The following THSD7B variants were observed in gnomAD, a reference collection of about 807,000 sequenced individuals.
The protein encoded by THSD7B is thrombospondin type-1 domain-containing protein 7B.
Under a neutral mutation model 213.6 loss-of-function variants are expected in THSD7B, and 138 were observed. That is an observed-to-expected ratio of 0.65 (90% CI 0.56 to 0.74). The LOEUF (loss-of-function observed/expected upper bound fraction) is 0.74, where lower values mean the gene tolerates loss of function less well. Ranked by LOEUF, THSD7B falls within the 30% of genes least tolerant of loss-of-function variation. The pLI, the probability that THSD7B is intolerant of heterozygous loss-of-function variation, is 0.00. For missense variants in THSD7B, 1,931 were observed against 1,991.5 expected, an observed-to-expected ratio of 0.97 and a Z score of 0.58; for synonymous variants, 742 against 687.0, an observed-to-expected ratio of 1.08 and a Z score of -1.25.
At chr2:137,258,990 C>A (rs1682374993) in intron 10 of THSD7B, among the ~76,000 whole-genome samples, 1 of 152,172 alleles carries the variant, frequency 6.6e-6, no homozygotes, top group Non-Finnish European at 1.5e-5. Flanking sequence ...CTGGCTTCAT[C>A]CATGTCCCTG....
At chr2:136,931,709 A>G (rs1206893396) in intron 2 of THSD7B, among the ~76,000 whole-genome samples, 2 of 152,218 alleles carry the variant, frequency 1.3e-5, no homozygotes, top group Non-Finnish European at 2.9e-5. Context: ...AAAGATCCAT[A>G]TAATCCATAT....
At chr2:137,611,678 A>T (rs1046339192) in intron 17 of THSD7B, among the ~76,000 whole-genome samples, 1 of 152,162 alleles carries the variant, frequency 6.6e-6, no homozygotes, top group South Asian at 2.1e-4. Flanking sequence ...ACTTATTTGG[A>T]TGACTAAGAC....
At chr2:136,931,802 G>A (rs980745284) in intron 2 of THSD7B, among the ~76,000 whole-genome samples, 1 of 152,070 alleles carries the variant, frequency 6.6e-6, no homozygotes, top group African/African-American at 2.4e-5. Context: ...AGTAAACCAG[G>A]ACTAGCTTTT....
chr2:137,105,203 T>C (rs182686964), intron 4 of THSD7B, among the ~76,000 whole-genome samples: 1 of 152,298 alleles, frequency 6.6e-6, no homozygotes, highest in East Asian at 1.9e-4. Context: ...AAAAAGTTTA[T>C]TCACCATGAT....
At chr2:136,895,804 C>T (rs1293962623) in intron 2 of THSD7B, among the ~76,000 whole-genome samples, 1 of 152,112 alleles carries the variant, frequency 6.6e-6, no homozygotes, top group Non-Finnish European at 1.5e-5. Context: ...AACCACTAAT[C>T]TACTTTCCGT....
At chr2:137,630,536 T>C (rs771113414) in intron 20 of THSD7B, among the ~76,000 whole-genome samples, 6 of 152,160 alleles carry the variant, frequency 3.9e-5, no homozygotes, top group Non-Finnish European at 8.8e-5. Context: ...ATAAGATAAT[T>C]CTGTATTTAA....
At chr2:137,171,107 G>A (rs1426530810) in intron 7 of THSD7B, among the ~76,000 whole-genome samples, 169 bp downstream of exon 7, 6 of 152,060 alleles carry the variant, frequency 3.9e-5, no homozygotes, top group African/African-American at 1.4e-4. Context: ...AAGGTGCCGT[G>A]ACTTAATATG....
intron 3 of THSD7B, among the ~76,000 whole-genome samples, chr2:137,087,445 T>A (rs1265654910): frequency 2.6e-5 from 4 of 152,176 alleles, no homozygotes; most frequent in Admixed American, 2.6e-4. Flanking sequence ...TATAAAATAA[T>A]TCAGCAAAGT....
intron 12 of THSD7B, among the ~76,000 whole-genome samples, chr2:137,386,177 C>T (rs548686460): frequency 6.6e-6 from 1 of 152,336 alleles, no homozygotes; most frequent in African/African-American, 2.4e-5. Flanking sequence ...ATGTCCTACT[C>T]AGCATTTGTG....
At chr2:137,354,878 T>C (rs1685095154) in intron 12 of THSD7B, among the ~76,000 whole-genome samples, 1 of 152,038 alleles carries the variant, frequency 6.6e-6, no homozygotes, top group Non-Finnish European at 1.5e-5. Context: ...GGGAATATTC[T>C]GAATGCATTT....
chr2:137,132,767 A>G (rs1688764284), intron 5 of THSD7B, among the ~76,000 whole-genome samples: 2 of 152,190 alleles, frequency 1.3e-5, no homozygotes, highest in Admixed American at 6.6e-5. Context: ...CATGCTAGTG[A>G]TAAGTAATTC....
At chr2:136,909,182 CA>C (rs796424857) in intron 2 of THSD7B, among the ~76,000 whole-genome samples, 1 of 151,358 alleles carries the variant, frequency 6.6e-6, no homozygotes, top group African/African-American at 2.4e-5. Context: ...GACCTTGTCT[CA>C]AAAAAAAGGT....
intron 1 of THSD7B, among the ~76,000 whole-genome samples, chr2:136,833,131 C>G (rs556123050): frequency 6.6e-6 from 1 of 151,746 alleles, no homozygotes; most frequent in Non-Finnish European, 1.5e-5. Flanking sequence ...TTTGGGAGGC[C>G]GAGGTGGGCG....
chr2:137,381,285 G>A (rs546580291), intron 12 of THSD7B, among the ~76,000 whole-genome samples: 182 of 152,328 alleles, frequency 1.2e-3, no homozygotes, highest in African/African-American at 3.5e-3. Context: ...GAAGCAGAGA[G>A]CACCAAGAAA....
chr2:137,383,409 AG>A (rs1369749319), intron 12 of THSD7B, among the ~76,000 whole-genome samples: 2 of 152,134 alleles, frequency 1.3e-5, no homozygotes, highest in Non-Finnish European at 2.9e-5. Context: ...CCCTCAGCCT[AG>A]GGGGTGGAAT....
chr2:137,063,257 G>A (rs1687313027), intron 3 of THSD7B, among the ~76,000 whole-genome samples: 1 of 151,868 alleles, frequency 6.6e-6, no homozygotes, highest in Non-Finnish European at 1.5e-5. Context: ...TTTAATTAGT[G>A]TATTTAGATC....
intron 15 of THSD7B, among the ~76,000 whole-genome samples, chr2:137,503,016 T>G (rs1009193816): frequency 1.3e-5 from 2 of 152,164 alleles, no homozygotes; most frequent in Non-Finnish European, 2.9e-5. Context: ...CAGTCATAAG[T>G]CTTTCCAAAG....
intron 2 of THSD7B, among the ~76,000 whole-genome samples, chr2:137,052,446 CTG>C (rs2104872687): frequency 6.6e-6 from 1 of 151,964 alleles, no homozygotes; most frequent in African/African-American, 2.4e-5. Flanking sequence ...TACTTGGTGT[CTG>C]TTTTTTTCAC....
At chr2:136,767,752 A>G (rs988200388) in intron 1 of THSD7B, among the ~76,000 whole-genome samples, 6 of 152,168 alleles carry the variant, frequency 3.9e-5, no homozygotes, top group Admixed American at 6.5e-5. Flanking sequence ...TTAATCTGTG[A>G]TAAGGGCTTG....
Sources: gnomAD v4.1 joint callset for allele counts (sites outside exome capture counted in the v4.1 genomes callset) on GRCh38, gnomAD v4.1.1 for gene constraint, MANE v1.5 for transcripts, NCBI Gene and HGNC (gene_info 2026-07-23, HGNC 2026-07-21) for gene names.